The following SIK3 variants were observed in gnomAD, a reference collection of about 807,000 sequenced individuals.
SIK3 encodes the protein serine/threonine-protein kinase SIK3.
Under a neutral mutation model 144.2 loss-of-function variants are expected in SIK3, and 28 were observed. The ratio of observed to expected loss-of-function variants is 0.19; its 90% CI spans 0.14 to 0.27. The LOEUF (loss-of-function observed/expected upper bound fraction) is 0.27. Among genes scored for constraint, SIK3 ranks in the 10% least tolerant of loss-of-function variants. The pLI is 1.00. For missense variants in SIK3, 1,319 were observed against 1,776.0 expected, an observed-to-expected ratio of 0.74 and a Z score of 4.62; for synonymous variants, 686 against 676.3, an observed-to-expected ratio of 1.01 and a Z score of -0.22.
At chr11:116,937,127 T>C (rs1166125603) in intron 3 of SIK3, among the ~76,000 whole-genome samples, 2 of 152,202 alleles carry the variant, frequency 1.3e-5, no homozygotes, top group African/African-American at 2.4e-5. Context: ...TCCTAGCCCA[T>C]GGATTTTTGG....
chr11:117,026,149 T>C (rs1239956496), intron 1 of SIK3, among the ~76,000 whole-genome samples: 1 of 152,224 alleles, frequency 6.6e-6, no homozygotes, highest in Non-Finnish European at 1.5e-5. Context: ...GCTGTATTTA[T>C]ACTGCACCTT....
intron 3 of SIK3, among the ~76,000 whole-genome samples, chr11:116,934,535 G>C (rs1390369697): frequency 6.6e-6 from 1 of 152,188 alleles, no homozygotes; most frequent in Non-Finnish European, 1.5e-5. Flanking sequence ...CTTTTTCCCT[G>C]AGAGTTTTGA....
chr11:116,915,487 T>C (rs921098701), intron 4 of SIK3, among the ~76,000 whole-genome samples: 1 of 152,228 alleles, frequency 6.6e-6, no homozygotes, highest in Non-Finnish European at 1.5e-5. Flanking sequence ...GGTCATTACT[T>C]ATTAGCACTT....
chr11:116,861,805 G>C, intron 18 of SIK3, 36 bp downstream of exon 18: 1 of 1,440,598 alleles, frequency 6.9e-7, no homozygotes, highest in Non-Finnish European at 9.7e-7. Context: ...AGGCTATCGA[G>C]ACAATGGCTT....
chr11:116,884,901 T>TCTTG (rs1413504441), intron 6 of SIK3, among the ~76,000 whole-genome samples: 1 of 152,256 alleles, frequency 6.6e-6, no homozygotes, highest in Non-Finnish European at 1.5e-5. Context: ...GATTAGCTTC[T>TCTTG]CTTGACACAA....
At chr11:117,019,558 G>C (rs1951679229) in intron 1 of SIK3, among the ~76,000 whole-genome samples, 1 of 151,338 alleles carries the variant, frequency 6.6e-6, no homozygotes, top group Non-Finnish European at 1.5e-5. Context: ...CATTAACAAA[G>C]CTCCATAAAA....
chr11:116,980,858 A>G (rs1950116507), intron 1 of SIK3, among the ~76,000 whole-genome samples: 1 of 152,074 alleles, frequency 6.6e-6, no homozygotes, highest in Admixed American at 6.5e-5. Flanking sequence ...CTCGAAAAAA[A>G]AAAAGAAATA....
intron 3 of SIK3, among the ~76,000 whole-genome samples, chr11:116,944,688 T>C (rs1234246867): frequency 6.6e-6 from 1 of 152,202 alleles, no homozygotes; most frequent in African/African-American, 2.4e-5. Context: ...ATCTGTATCC[T>C]TTACCTGTAT....
At chr11:116,899,561 AC>A (rs772301357) in intron 4 of SIK3, among the ~76,000 whole-genome samples, 18 of 152,368 alleles carry the variant, frequency 1.2e-4, no homozygotes, top group Non-Finnish European at 2.4e-4. Context: ...CAACTTATTT[AC>A]AAACTGAAGC....
At chr11:116,914,633 A>T (rs988339849) in intron 4 of SIK3, among the ~76,000 whole-genome samples, 1 of 152,204 alleles carries the variant, frequency 6.6e-6, no homozygotes, top group Non-Finnish European at 1.5e-5. Flanking sequence ...CACACATGTA[A>T]CTATATAATT....
intron 1 of SIK3, among the ~76,000 whole-genome samples, chr11:116,970,177 T>C (rs1949717545): frequency 6.6e-6 from 1 of 152,154 alleles, no homozygotes; most frequent in Non-Finnish European, 1.5e-5. Context: ...TTTGGGAGGC[T>C]GGGGCACAAG....
intron 1 of SIK3, among the ~76,000 whole-genome samples, chr11:117,002,406 AAGGGACAG>A (rs200943377): frequency 0.058 from 8,763 of 152,206 alleles, 535 homozygotes; most frequent in African/African-American, 0.15. Context: ...GGACACCCTT[AAGGGACAG>A]CCCTTAAGTA....
At chr11:117,004,334 G>C (rs1950965369) in intron 1 of SIK3, among the ~76,000 whole-genome samples, 1 of 152,112 alleles carries the variant, frequency 6.6e-6, no homozygotes, top group African/African-American at 2.4e-5. Flanking sequence ...GGGCAACATG[G>C]TGAAACCCCA....
At position 117,066,431 on chromosome 11, in the gene SIK3, G is replaced by GA. The variant is rs1000202326; in HGVS notation, c.273+31711dup. Among the ~76,000 whole-genome samples, 635 of 138,228 alleles carry GA rather than the reference G, an allele frequency of 4.6e-3. 5 individuals are homozygous for GA. Among genetic ancestry groups the GA allele is most frequent in the African/African-American group, 0.015 (579 of 37,662 alleles). The allele number at this position is 138,228 out of a possible 152,430, so 90.7% of individuals were successfully genotyped here. On this transcript the variant is annotated intron_variant, in intron 1 of 24. Transcript: ENST00000445177. Reference sequence around the variant, plus strand: ...AATGAAAAAATAAGCCATGGAATCGGAAAAAAAAAAAATCTTTGCAAAGCG... The same window carrying GA: ...AATGAAAAAATAAGCCATGGAATCGGAAAAAAAAAAAAATCTTTGCAAAGCG...
At chr11:116,996,918 AGTT>A (rs1950690433) in intron 1 of SIK3, among the ~76,000 whole-genome samples, 2 of 151,706 alleles carry the variant, frequency 1.3e-5, no homozygotes, top group African/African-American at 4.8e-5. Context: ...TTCTCAATTA[AGTT>A]GTTAATGAAA....
chr11:116,910,513 A>G (rs973038687), intron 4 of SIK3, among the ~76,000 whole-genome samples: 2 of 152,124 alleles, frequency 1.3e-5, no homozygotes, highest in African/African-American at 4.8e-5. Context: ...TCATCTCCCC[A>G]AAACCACAGG....
intron 1 of SIK3, among the ~76,000 whole-genome samples, chr11:116,960,955 T>C (rs977695198): frequency 5.9e-5 from 9 of 152,154 alleles, no homozygotes; most frequent in South Asian, 2.1e-4. Flanking sequence ...AAGGGACAAA[T>C]TGAGGGACCA....
chr11:116,971,960 C>T (rs12418324), intron 1 of SIK3, among the ~76,000 whole-genome samples: 11,011 of 151,978 alleles, frequency 0.072, 492 homozygotes, highest in Middle Eastern at 0.11. Context: ...TGGTGGCACG[C>T]GCCTGTAATC....
chr11:116,917,394 C>T (rs1462298821), intron 4 of SIK3, among the ~76,000 whole-genome samples: 1 of 152,138 alleles, frequency 6.6e-6, no homozygotes, highest in African/African-American at 2.4e-5. Context: ...CAATGTTCTT[C>T]TAAAACTTCT....
Sources: allele counts gnomAD v4.1 joint callset (sites outside exome capture counted in the v4.1 genomes callset), GRCh38; gene constraint gnomAD v4.1.1; transcripts MANE v1.5; gene names NCBI Gene and HGNC (gene_info 2026-07-23, HGNC 2026-07-21).